KIF25: variants seen among roughly 807,000 people sequenced by gnomAD.
KIF25 encodes kinesin-like protein KIF25.
Under a neutral mutation model 32.9 loss-of-function variants are expected in KIF25, and 19 were observed. That is an observed-to-expected ratio of 0.58 (90% CI 0.40 to 0.85). The LOEUF is 0.85. KIF25 is among the 40% of genes least tolerant of loss of function. The pLI is 0.00. For synonymous variants in KIF25, 225 were observed against 213.7 expected (o/e 1.05, Z -0.46); for missense variants, 485 against 507.0 (o/e 0.96, Z 0.42).
chr6:168,037,457 A>T (rs1213129087), intron 8 of KIF25, among the ~76,000 whole-genome samples: 4 of 152,158 alleles, frequency 2.6e-5, no homozygotes, highest in Non-Finnish European at 5.9e-5. Context: ...CATCGGATTG[A>T]CATCACCATG....
At chr6:168,016,247 G>A (rs1338963563) in intron 4 of KIF25, among the ~76,000 whole-genome samples, 1 of 152,224 alleles carries the variant, frequency 6.6e-6, no homozygotes, top group Non-Finnish European at 1.5e-5. Flanking sequence ...GCTGCTTCTG[G>A]CTTAGGGGAT....
At chr6:168,026,196 A>G (rs1798857971) in intron 5 of KIF25, among the ~76,000 whole-genome samples, 1 of 152,112 alleles carries the variant, frequency 6.6e-6, no homozygotes, top group Non-Finnish European at 1.5e-5. Flanking sequence ...TGGTGGGGAA[A>G]CCACCCTCGG....
At chr6:168,034,651 T>C (rs954071110) in intron 8 of KIF25, among the ~76,000 whole-genome samples, 7 of 152,130 alleles carry the variant, frequency 4.6e-5, no homozygotes, top group African/African-American at 1.7e-4. Flanking sequence ...TTTTCTGTCC[T>C]GGAATGGGAA....
chr6:168,020,278 C>T (rs1301823115), intron 5 of KIF25, among the ~76,000 whole-genome samples: 1 of 152,146 alleles, frequency 6.6e-6, no homozygotes, highest in Non-Finnish European at 1.5e-5. Flanking sequence ...ACAGGACCAG[C>T]ACCTCTAAAG....
chr6:168,001,924 C>T (rs1366850479), intron 2 of KIF25, among the ~76,000 whole-genome samples: 4 of 97,324 alleles, frequency 4.1e-5, no homozygotes, highest in East Asian at 3.4e-4. Context: ...GGCGTGGCCT[C>T]GGGCAGGTGA....
intron 5 of KIF25, among the ~76,000 whole-genome samples, chr6:168,024,349 T>A (rs1432942149): frequency 6.6e-6 from 1 of 152,010 alleles, no homozygotes; most frequent in Non-Finnish European, 1.5e-5. Context: ...GGGCTGACCT[T>A]TCTTCCACTA....
chr6:168,020,168 C>T (rs1000897415), intron 5 of KIF25, among the ~76,000 whole-genome samples: 15 of 145,412 alleles, frequency 1.0e-4, no homozygotes, highest in African/African-American at 3.4e-4. Context: ...AGAGAAACAC[C>T]AGAGATAAAA....
intron 5 of KIF25, among the ~76,000 whole-genome samples, chr6:168,019,010 C>G (rs1233347537): frequency 6.6e-6 from 1 of 152,168 alleles, no homozygotes; most frequent in Non-Finnish European, 1.5e-5. Context: ...AGTGCTCCCG[C>G]CGGGGCAGAA....
chr6:168,034,281 C>A (rs1798985027), intron 8 of KIF25, among the ~76,000 whole-genome samples: 1 of 152,144 alleles, frequency 6.6e-6, no homozygotes, highest in Non-Finnish European at 1.5e-5. Context: ...TTTTTAGAGA[C>A]AAGGTCTTGC....
At chr6:168,003,886 G>A (rs1033433368) in intron 4 of KIF25, among the ~76,000 whole-genome samples, 183 bp downstream of exon 4, 17 of 152,156 alleles carry the variant, frequency 1.1e-4, no homozygotes, top group Non-Finnish European at 2.1e-4. Context: ...CTCCTGACCC[G>A]TAGTTCTATG....
chr6:168,044,061 G>A (rs1356834735), intron 12 of KIF25, among the ~76,000 whole-genome samples: 1 of 152,196 alleles, frequency 6.6e-6, no homozygotes, highest in Non-Finnish European at 1.5e-5. Context: ...TCAACCTAGG[G>A]CTGACTTCAT....
chr6:168,018,910 G>A (rs1486270428), intron 5 of KIF25, among the ~76,000 whole-genome samples: 1 of 152,252 alleles, frequency 6.6e-6, no homozygotes, highest in Non-Finnish European at 1.5e-5. Flanking sequence ...GACCAGCACA[G>A]GAGCGGTAAG....
At chr6:168,020,459 C>T (rs1282185694) in intron 5 of KIF25, among the ~76,000 whole-genome samples, 3 of 151,402 alleles carry the variant, frequency 2.0e-5, no homozygotes, top group African/African-American at 7.3e-5. Flanking sequence ...GCAAAAGACG[C>T]TTTTTCTTAT....
At position 168,042,452 on chromosome 6, in the gene KIF25, T is replaced by C. The variant is rs556985969; in HGVS notation, c.830-109T>C. ...CTCACTCTCATGCCTGTCCCGTCCATGGCCTCCCCTCTACCTGCCTGAGAG... is the reference window on the plus strand; with the variant it reads ...CTCACTCTCATGCCTGTCCCGTCCACGGCCTCCCCTCTACCTGCCTGAGAG... On this transcript the variant is annotated intron_variant, in intron 11 of 12. Coordinates refer to ENST00000643607, the MANE Select transcript of KIF25 (RefSeq NM_030615.4). The C allele has an allele frequency of 3.2e-4, 442 of 1,363,300 alleles. 4 individuals are homozygous for C. In the South Asian group the frequency reaches 5.6e-3, roughly 17 times the overall value. The allele number at this position is 1,363,300 out of a possible 1,614,324, so 84.5% of individuals were successfully genotyped here. A position where few individuals can be genotyped will look rare whatever the true frequency, so the allele number is the denominator to read the frequency against.
chr6:168,044,766 T>C (rs1229212840), intron 12 of KIF25, 61 bp from the exon 13 acceptor site: 2 of 1,487,848 alleles, frequency 1.3e-6, no homozygotes, highest in East Asian at 2.3e-5. Flanking sequence ...GTTGCTGGCA[T>C]GTTGGCACTT....
chr6:167,999,847 A>T (rs182897820), intron 2 of KIF25, among the ~76,000 whole-genome samples: 7 of 152,174 alleles, frequency 4.6e-5, no homozygotes, highest in Admixed American at 1.3e-4. Flanking sequence ...AACCATACTC[A>T]ATATGACTTA....
chr6:168,043,354 G>A (rs1394672211), intron 12 of KIF25, among the ~76,000 whole-genome samples: 7 of 152,288 alleles, frequency 4.6e-5, no homozygotes, highest in Middle Eastern at 3.4e-3. Context: ...CCTGTAGGCC[G>A]TGTCCTGAGA....
intron 8 of KIF25, among the ~76,000 whole-genome samples, chr6:168,036,619 G>C (rs919271600): frequency 6.6e-6 from 1 of 152,140 alleles, no homozygotes; most frequent in Non-Finnish European, 1.5e-5. Flanking sequence ...TTAACTCCTC[G>C]GTATTATGTA....
intron 5 of KIF25, among the ~76,000 whole-genome samples, chr6:168,023,259 T>A (rs1199048608): frequency 3.5e-5 from 5 of 144,402 alleles, no homozygotes; most frequent in African/African-American, 1.3e-4. Flanking sequence ...CCTAGGAAGT[T>A]TCCTTCTTCC....
Sources: gnomAD v4.1 joint callset for allele counts (sites outside exome capture counted in the v4.1 genomes callset) on GRCh38, gnomAD v4.1.1 for gene constraint, MANE v1.5 for transcripts, NCBI Gene and HGNC (gene_info 2026-07-23, HGNC 2026-07-21) for gene names.